Variants in ZNF730 observed in about 807,000 individuals in gnomAD.
The protein encoded by ZNF730 is zinc finger protein 730.
Under a neutral mutation model 12.6 loss-of-function variants are expected in ZNF730, and 12 were observed. That is an observed-to-expected ratio of 0.95 (90% CI 0.61 to 1.54). The LOEUF is 1.54. ZNF730 is among the 40% of genes most tolerant of loss of function. ZNF730 has a pLI of 0.00. For missense variants in ZNF730, 643 were observed against 583.5 expected (o/e 1.10, Z -1.05); for synonymous variants, 194 against 195.8 (o/e 0.99, Z 0.08).
Position 23,145,350 on chromosome 19 carries a change from A to G in ZNF730, c.306A>G (p.Gln102=). The G allele has an allele frequency of 6.3e-7, 1 of 1,597,118 alleles. No individual in the cohort carries two copies. Among genetic ancestry groups the G allele is most frequent in the Non-Finnish European group, 8.5e-7 (1 of 1,172,504 alleles). The part of the protein sequence containing the change: ...KDYFQEVILR[Q]YKKCRHENLL... ...ATTTCCAAGAAGTCATACTGAGACA[A>G]TATAAAAAATGTAGACATGAGAATT... The change falls in exon 4 of 4, where the codon CAA becomes CAG. Residue 102 remains glutamine, a synonymous_variant. Transcript: ENST00000597761.
chr19:23,081,346 GTCTC>G (rs1403871760), intron 1 of ZNF730, among the ~76,000 whole-genome samples: 1 of 151,782 alleles, frequency 6.6e-6, no homozygotes, highest in East Asian at 1.9e-4. Flanking sequence ...TTGAGATGTA[GTCTC>G]TCTCAGTCGC....
At chr19:23,116,772 TATG>T (rs1297726361), upstream of ZNF730, among the ~76,000 whole-genome samples, 2 of 152,182 alleles carry the variant, frequency 1.3e-5, no homozygotes, top group East Asian at 1.9e-4. Context: ...TATAAATACA[TATG>T]ATCTTACACA....
At position 23,145,937 on chromosome 19, in the gene ZNF730, A is replaced by G; in HGVS notation, c.893A>G (p.Asn298Ser). ...ECGKAFNQSS[N>S]LTEHKKIHTK... ...GGCAAAGCCTTTAACCAGTCCTCAA[A>G]CCTTACTGAACATAAGAAAATTCAT... Residue 298 changes from asparagine to serine, a missense_variant, in exon 4 of 4, where the codon AAC (asparagine) becomes AGC (serine). By Grantham distance (46) the Asn-to-Ser change is conservative. Coordinates refer to ENST00000597761, the MANE Select transcript of ZNF730 (RefSeq NM_001277403.2). The G allele has an allele frequency of 2.5e-6, 4 of 1,606,820 alleles. No homozygotes were observed. The highest frequency in any genetic ancestry group is 3.4e-6 in the Non-Finnish European group (4 of 1,178,180).
chr19:23,091,050 G>C (rs1255232094), intron 1 of ZNF730, among the ~76,000 whole-genome samples: 2 of 151,738 alleles, frequency 1.3e-5, no homozygotes, highest in Non-Finnish European at 2.9e-5. Flanking sequence ...CCGGGGCCCA[G>C]GGTCCCCATG....
chr19:23,143,577 C>A (rs1970959807), intron 3 of ZNF730: 2 of 152,192 alleles, frequency 1.3e-5, no homozygotes, highest in Non-Finnish European at 2.9e-5. Flanking sequence ...GTTTCAGGAA[C>A]TGCTTTCAGC....
chr19:23,095,509 G>C, intron 1 of ZNF730: 1 of 398,572 alleles, frequency 2.5e-6, no homozygotes, highest in East Asian at 3.6e-5. Context: ...ACTGGGCTAA[G>C]CACCTAGCTC....
At chr19:23,095,525 ACT>A (rs1255543010) in intron 1 of ZNF730, 1 of 396,672 alleles carries the variant, frequency 2.5e-6, no homozygotes, top group African/African-American at 2.1e-5. Flanking sequence ...AGCTCACATG[ACT>A]CTCCCCCTCT....
At chr19:23,109,304 A>G (rs1172917668) in intron 1 of ZNF730, among the ~76,000 whole-genome samples, 1 of 151,946 alleles carries the variant, frequency 6.6e-6, no homozygotes, top group Non-Finnish European at 1.5e-5. Context: ...ATCTTGGCTC[A>G]CTGCAACCCC....
At chr19:23,114,140 G>T (rs1304832016), upstream of ZNF730, among the ~76,000 whole-genome samples, 1 of 151,986 alleles carries the variant, frequency 6.6e-6, no homozygotes, top group Admixed American at 6.6e-5. Context: ...ATTTTCTGAT[G>T]TCACCTTGCT....
At chr19:23,111,334 T>A (rs1477447963) in intron 1 of ZNF730, among the ~76,000 whole-genome samples, 2 of 152,142 alleles carry the variant, frequency 1.3e-5, no homozygotes, top group Non-Finnish European at 2.9e-5. Flanking sequence ...TGTATAAAAG[T>A]TTTCTCATGC....
chr19:23,100,505 A>G (rs566345153), intron 1 of ZNF730: 1 of 152,194 alleles, frequency 6.6e-6, no homozygotes, highest in African/African-American at 2.4e-5. Context: ...ACCAATCTTG[A>G]GAATTGTCAC....
upstream of ZNF730, chr19:23,116,866 G>A (rs1286155639): frequency 6.1e-6 from 2 of 328,878 alleles, no homozygotes; most frequent in Non-Finnish European, 1.0e-5. Context: ...TGCAGCCTAC[G>A]CTGTCACTCT....
chr19:23,094,006 C>T lies in ZNF730; in HGVS notation c.-94+18619C>T, dbSNP rs80191554. ...TGTTTCAGGTGGACCAGAGGGCTCT[C>T]GCCGGGGTCAGAACTGCTTAGATCC... On this transcript the variant is annotated intron_variant, in intron 1 of 2. Coordinates refer to the ZNF730 transcript ENST00000593635. Among the ~76,000 whole-genome samples the T allele has an allele frequency of 2.4e-3, 358 of 152,248 alleles. 2 individuals carry two copies. The highest frequency in any genetic ancestry group is 6.8e-3 in the Middle Eastern group (2 of 294).
At chr19:23,093,407 C>T (rs73029421) in intron 1 of ZNF730, among the ~76,000 whole-genome samples, 7,629 of 152,322 alleles carry the variant, frequency 0.05, 228 homozygotes, top group Middle Eastern at 0.088. Context: ...TCTGAGGGCC[C>T]GGAAGGGGTT....
At chr19:23,110,074 C>G (rs1000288355) in intron 1 of ZNF730, among the ~76,000 whole-genome samples, 91 of 145,042 alleles carry the variant, frequency 6.3e-4, no homozygotes, top group African/African-American at 2.3e-3. Context: ...TCAAGCGATT[C>G]TCCTGCCTCA....
chr19:23,114,305 C>CTTTTTTTTT (rs869304180), upstream of ZNF730, among the ~76,000 whole-genome samples: 544 of 103,472 alleles, frequency 5.3e-3, 3 homozygotes, highest in African/African-American at 8.8e-3. Context: ...TTTTTCTTTT[C>CTTTTTTTTT]TTTTTTTTTT....
intron 3 of ZNF730, among the ~76,000 whole-genome samples, chr19:23,138,585 T>C (rs1286447438): frequency 6.6e-6 from 1 of 152,162 alleles, no homozygotes; most frequent in Non-Finnish European, 1.5e-5. Flanking sequence ...TGGGACCAAG[T>C]TGGGTGGATA....
chr19:23,084,827 G>A (rs1387099972), intron 1 of ZNF730, among the ~76,000 whole-genome samples: 1 of 152,164 alleles, frequency 6.6e-6, no homozygotes, highest in African/African-American at 2.4e-5. Context: ...ATTTCATGGT[G>A]TATATGTACC....
chr19:23,129,993 CAAA>C (rs34321928), intron 1 of ZNF730, among the ~76,000 whole-genome samples: 1,000 of 87,978 alleles, frequency 0.011, 8 homozygotes, highest in African/African-American at 0.039. Context: ...GACTCCGCCT[CAAA>C]AAAAAAAAAA....
Sources: allele counts gnomAD v4.1 joint callset (sites outside exome capture counted in the v4.1 genomes callset), GRCh38; gene constraint gnomAD v4.1.1; transcripts MANE v1.5; gene names NCBI Gene and HGNC (gene_info 2026-07-23, HGNC 2026-07-21).